The following CRMP1 variants were observed in gnomAD, a reference collection of about 807,000 sequenced individuals.
The protein encoded by CRMP1 is collapsin response mediator protein 1, also known as dihydropyrimidinase-related protein 1.
A neutral mutation model predicts 68.3 loss-of-function variants in CRMP1; 19 were observed. The observed-to-expected ratio is 0.28, with a 90% CI of 0.19 to 0.41. The LOEUF is 0.41. Among genes scored for constraint, CRMP1 ranks in the 10% least tolerant of loss-of-function variants. The probability of loss-of-function intolerance (pLI) is 1.00; values close to 1 mark genes in which losing one functional copy is unlikely to be tolerated. For missense variants in CRMP1, 791 were observed against 967.4 expected (o/e 0.82, Z 2.42); for synonymous variants, 439 against 399.6 (o/e 1.10, Z -1.18).
At position 5,891,418 on chromosome 4, in the gene CRMP1, C is replaced by T. The variant is rs183089738; in HGVS notation, c.381+1171G>A. ...CCCTCCAGGCTCACTTTGGGTCACT[C>T]ATAGCATTTAAGAGGGGAAGGTTTA... On this transcript the variant is annotated intron_variant, in intron 1 of 13. Coordinates refer to ENST00000324989, the MANE Select transcript of CRMP1 (RefSeq NM_001014809.3). The surrounding 1 kb of genome is among the most constrained non-coding windows in gnomAD (Gnocchi z 5.2). Among the ~76,000 whole-genome samples the T allele has an allele frequency of 2.6e-5, 4 of 152,296 alleles. No homozygotes were observed. Among genetic ancestry groups the T allele is most frequent in the Non-Finnish European group, 5.9e-5 (4 of 68,018 alleles).
Position 5,854,764 on chromosome 4 carries a change from G to A in CRMP1, c.820+1379C>T, listed in dbSNP as rs539390543. Among the ~76,000 whole-genome samples the A allele has an allele frequency of 7.2e-5, 11 of 152,322 alleles. No homozygotes were observed. In the South Asian group the frequency reaches 1.9e-3, roughly 26 times the overall value. On this transcript the variant is annotated intron_variant, in intron 4 of 13. Coordinates refer to ENST00000324989, the MANE Select transcript of CRMP1 (RefSeq NM_001014809.3). This position sits in a 1 kb window ranked among gnomAD's most constrained non-coding sequence, Gnocchi z 4.0. ...TAATGCCCAATGGTGCAAAGGTGCA[G>A]GGACTAGAGATTCTGGCATAGGATT...
rs1250338494 is a variant in CRMP1, at chr4:5,838,684, G to C, written c.1310+838C>G. On this transcript the variant is annotated intron_variant, in intron 9 of 13. Coordinates refer to ENST00000324989, the MANE Select transcript of CRMP1 (RefSeq NM_001014809.3). The surrounding 1 kb of genome is among the most constrained non-coding windows in gnomAD (Gnocchi z 4.9). The stretch of plus-strand genomic sequence containing the variant: ...CCAGACATTGGACTGCAGATGTTGA[G>C]TAAGCCCTTGGCTACGCTAGTCAAA... 6.6e-6 allele frequency among the ~76,000 whole-genome samples: 1 copy of C among 152,182 alleles called. No individual in the cohort carries two copies. The highest frequency in any genetic ancestry group is 2.4e-5 in the African/African-American group (1 of 41,446).
chr4:5,844,871 C>CCTATGGTTA (rs1371275835), intron 6 of CRMP1, among the ~76,000 whole-genome samples: 1 of 152,178 alleles, frequency 6.6e-6, no homozygotes, highest in Non-Finnish European at 1.5e-5. Flanking sequence ...AAGATGTGAA[C>CCTATGGTTA]CTATGGTTAA....
intron 1 of CRMP1, among the ~76,000 whole-genome samples, chr4:5,880,261 C>T (rs1433027360): frequency 6.6e-6 from 1 of 152,088 alleles, no homozygotes; most frequent in East Asian, 1.9e-4. Flanking sequence ...CTTTTTCCTT[C>T]CTCCTTAATT....
rs1237125998 is a variant in CRMP1, at chr4:5,866,123, G to A, written c.470+545C>T. ...CTGGGTTGTCATAAGCAGGGCTGAA[G>A]AGGGAGCCAATGAGAAGAAAGGGAA... On this transcript the variant is annotated intron_variant, in intron 2 of 13. Transcript: ENST00000324989. This position sits in a 1 kb window ranked among gnomAD's most constrained non-coding sequence, Gnocchi z 5.9. 6.6e-6 allele frequency among the ~76,000 whole-genome samples: 1 copy of A among 152,210 alleles called. No homozygotes were observed. Among genetic ancestry groups the A allele is most frequent in the Non-Finnish European group, 1.5e-5 (1 of 68,038 alleles).
intron 11 of CRMP1, among the ~76,000 whole-genome samples, chr4:5,830,004 G>A (rs1200834337): frequency 6.6e-6 from 1 of 152,126 alleles, no homozygotes; most frequent in Non-Finnish European, 1.5e-5. Flanking sequence ...ACAGCCTTTG[G>A]TAAACAGTAT....
chr4:5,851,736 G>A (rs1430842080), intron 4 of CRMP1, among the ~76,000 whole-genome samples: 2 of 151,406 alleles, frequency 1.3e-5, no homozygotes, highest in Non-Finnish European at 2.9e-5. Context: ...GGAGAAAGAG[G>A]AGGAGGAGGA....
intron 1 of CRMP1, among the ~76,000 whole-genome samples, chr4:5,880,517 A>G (rs1715156289): frequency 6.6e-6 from 1 of 152,204 alleles, no homozygotes; most frequent in Non-Finnish European, 1.5e-5. Context: ...CCAAGTTCCA[A>G]CACCAGGTCA....
At position 5,820,956 on chromosome 4, in the gene CRMP1, A is replaced by C. The variant is rs540437277; in HGVS notation, c.*804T>G. On this transcript the variant is annotated 3_prime_UTR_variant, in exon 14 of 14. Transcript: ENST00000324989. ...CCTCAGAGGGACCAGGACTCAGGCC[A>C]CGCAGGGGCAGCCATCAGCCCCCCA... The C allele has an allele frequency of 6.6e-6, 1 of 152,354 alleles. No individual in the cohort carries two copies. The allele number at this position is 152,354 out of a possible 1,614,324, so 9.4% of individuals were successfully genotyped here.
intron 12 of CRMP1, among the ~76,000 whole-genome samples, chr4:5,827,391 T>C (rs1245742240): frequency 6.6e-6 from 1 of 152,174 alleles, no homozygotes; most frequent in Non-Finnish European, 1.5e-5. Context: ...GTGCAAAGCA[T>C]CTGTGCGACT....
intron 9 of CRMP1, among the ~76,000 whole-genome samples, chr4:5,837,349 G>T (rs1720786752): frequency 6.6e-6 from 1 of 151,872 alleles, no homozygotes; most frequent in Admixed American, 6.6e-5. Flanking sequence ...AATGGACCAG[G>T]CTGAGTGTGG....
chr4:5,845,323 T>C (rs1712111205), intron 6 of CRMP1, among the ~76,000 whole-genome samples: 1 of 152,196 alleles, frequency 6.6e-6, no homozygotes, highest in Non-Finnish European at 1.5e-5. Flanking sequence ...TTACAGAGAC[T>C]CTGGCTTCCG....
rs1175902321 is a variant in CRMP1, at chr4:5,841,540, G to A, written c.1033-112C>T. The A allele has an allele frequency of 2.0e-5, 30 of 1,516,774 alleles. No homozygotes were observed. The highest frequency in any genetic ancestry group is 2.7e-5 in the African/African-American group (2 of 73,046). 94.0% of individuals were successfully genotyped at this position (1,516,774 alleles called of 1,614,324 possible). On this transcript the variant is annotated intron_variant, in intron 7 of 13. Transcript: ENST00000324989. This position sits in a 1 kb window ranked among gnomAD's most constrained non-coding sequence, Gnocchi z 6.9. Reference sequence around the variant, plus strand: ...AGAAGGGAAATCTGCTCCATTGAATGAGAAGGACATACTGAGTCCAACAGC... The same window carrying A: ...AGAAGGGAAATCTGCTCCATTGAATAAGAAGGACATACTGAGTCCAACAGC...
chr4:5,828,424 T>C, intron 12 of CRMP1, 65 bp downstream of exon 12: 1 of 1,571,436 alleles, frequency 6.4e-7, no homozygotes, highest in South Asian at 1.2e-5. Flanking sequence ...CAGATCTCGA[T>C]TCCCCAAGAG....
In CRMP1 at chr4:5,889,996, A is replaced by T; in HGVS notation, c.381+2593T>A. On this transcript the variant is annotated intron_variant, in intron 1 of 13. Transcript: ENST00000324989. This position sits in a 1 kb window ranked among gnomAD's most constrained non-coding sequence, Gnocchi z 4.5. ...GGGTGCAAAACATATTAGCTGCAGC[A>T]AAGCAGCATGGAGATGCCAGGTTCC... is the stretch of plus-strand genomic sequence containing the variant. 2 of 1,081,124 alleles carry T rather than the reference A, an allele frequency of 1.8e-6. No individual in the cohort carries two copies. Among genetic ancestry groups the T allele is most frequent in the Non-Finnish European group, 2.4e-6 (2 of 847,088 alleles). 67.0% of individuals were successfully genotyped at this position (1,081,124 alleles called of 1,614,324 possible).
At chr4:5,848,509 C>T (rs957542593) in intron 6 of CRMP1, among the ~76,000 whole-genome samples, 2 of 152,208 alleles carry the variant, frequency 1.3e-5, no homozygotes, top group Non-Finnish European at 2.9e-5. Flanking sequence ...CTTTTCCCAA[C>T]AAATTCTCCA....
chr4:5,821,948 C>A lies in CRMP1; in HGVS notation c.1970-97G>T. ...GTACTCTGCCATGCACTCCACTGGA[C>A]CCACCTTCATTCAGGGCTCAGTCCA... On this transcript the variant is annotated intron_variant, in intron 13 of 13. Coordinates refer to ENST00000324989, the MANE Select transcript of CRMP1 (RefSeq NM_001014809.3). This position sits in a 1 kb window ranked among gnomAD's most constrained non-coding sequence, Gnocchi z 4.4. 1.1e-6 allele frequency: 1 copy of A among 945,912 alleles called. No individual in the cohort carries two copies. The highest frequency in any genetic ancestry group is 1.5e-6 in the Non-Finnish European group (1 of 672,868). The allele number at this position is 945,912 out of a possible 1,614,324, so 58.6% of individuals were successfully genotyped here. A position where few individuals can be genotyped will look rare whatever the true frequency, so the allele number is the denominator to read the frequency against.
At position 5,838,453 on chromosome 4, in the gene CRMP1, T is replaced by C. The variant is rs1313852531; in HGVS notation, c.1310+1069A>G. ...GCAGACTGTGATGGGTAGGGTGGGG[T>C]GGGCCCGTGTGGAAATAGAAAGTCT... On this transcript the variant is annotated intron_variant, in intron 9 of 13. Coordinates refer to ENST00000324989, the MANE Select transcript of CRMP1 (RefSeq NM_001014809.3). This position sits in a 1 kb window ranked among gnomAD's most constrained non-coding sequence, Gnocchi z 4.9. Among the ~76,000 whole-genome samples, 1 of 150,556 alleles carries C rather than the reference T, an allele frequency of 6.6e-6. No individual in the cohort carries two copies. Among genetic ancestry groups the C allele is most frequent in the Non-Finnish European group, 1.5e-5 (1 of 67,676 alleles).
At position 5,853,972 on chromosome 4, in the gene CRMP1, A is replaced by G. The variant is rs1712848874; in HGVS notation, c.820+2171T>C. On this transcript the variant is annotated intron_variant, in intron 4 of 13. Transcript: ENST00000324989. The surrounding 1 kb of genome is among the most constrained non-coding windows in gnomAD (Gnocchi z 4.7). ...TGCTGGTGACCCAGCCCAGATGCGC[A>G]CAGCACAGGGCTCCCTGGATGCCTG... 6.6e-6 allele frequency among the ~76,000 whole-genome samples: 1 copy of G among 152,242 alleles called. No individual in the cohort carries two copies. The highest frequency in any genetic ancestry group is 2.4e-5 in the African/African-American group (1 of 41,464).
Sources: gnomAD v4.1 joint callset for allele counts (sites outside exome capture counted in the v4.1 genomes callset) on GRCh38, gnomAD v4.1.1 for gene constraint, Gnocchi (gnomAD v3.1) non-coding constraint, MANE v1.5 for transcripts, NCBI Gene and HGNC (gene_info 2026-07-23, HGNC 2026-07-21) for gene names.